Variants in ASAP2 observed in about 807,000 individuals in gnomAD.
ASAP2 encodes the protein ArfGAP with SH3 domain, ankyrin repeat and PH domain 2.
Under a neutral mutation model 131.4 loss-of-function variants are expected in ASAP2, and 45 were observed. The observed-to-expected ratio is 0.34, with a 90% CI of 0.27 to 0.44. The LOEUF (loss-of-function observed/expected upper bound fraction) is 0.44, where lower values mean the gene tolerates loss of function less well. ASAP2 is among the 20% of genes least tolerant of loss of function. The pLI, the probability that ASAP2 is intolerant of heterozygous loss-of-function variation, is 1.00. For synonymous variants in ASAP2, 510 were observed against 503.0 expected (o/e 1.01, Z -0.19); for missense variants, 1,011 against 1,297.0 (o/e 0.78, Z 3.39).
chr2:9,316,003 T>C (rs974994402), intron 3 of ASAP2, among the ~76,000 whole-genome samples: 1 of 152,198 alleles, frequency 6.6e-6, no homozygotes, highest in Non-Finnish European at 1.5e-5. Context: ...ACCAGTGTTT[T>C]CCAAGTACAT....
intron 1 of ASAP2, among the ~76,000 whole-genome samples, chr2:9,240,353 A>C (rs377201237): frequency 6.7e-6 from 1 of 150,206 alleles, no homozygotes; most frequent in Non-Finnish European, 1.5e-5. Context: ...TCCTGGGCCC[A>C]GGTGATCCTC....
intron 21 of ASAP2, 102 bp from the exon 22 acceptor site, chr2:9,388,192 G>A (rs1467144906): frequency 1.8e-5 from 26 of 1,464,948 alleles, no homozygotes; most frequent in Admixed American, 1.7e-4. Flanking sequence ...ACCAGGCCCA[G>A]CAGAGTTGGT....
chr2:9,350,196 C>T lies in ASAP2; in HGVS notation c.1024-612C>T, dbSNP rs112969783. 2.5e-3 allele frequency among the ~76,000 whole-genome samples: 386 copies of T among 151,732 alleles called. 1 individual carries two copies. The highest frequency in any genetic ancestry group is 8.6e-3 in the African/African-American group (357 of 41,330). On this transcript the variant is annotated intron_variant, in intron 11 of 27. Coordinates refer to ENST00000281419, the MANE Select transcript of ASAP2 (RefSeq NM_003887.3). ...AAAGTATGTTGTGATCGCTTGGTGT[C>T]GTGTGTGGGGGAGAGGGTTTGGGGG...
At chr2:9,235,262 G>A (rs189094168) in intron 1 of ASAP2, among the ~76,000 whole-genome samples, 6 of 152,270 alleles carry the variant, frequency 3.9e-5, no homozygotes, top group East Asian at 1.9e-4. Context: ...ATGGCTGGTC[G>A]TCCTGTGCAC....
intron 1 of ASAP2, among the ~76,000 whole-genome samples, chr2:9,270,846 G>A (rs1666323905): frequency 7.7e-6 from 1 of 129,344 alleles, no homozygotes; most frequent in African/African-American, 3.0e-5. Context: ...AGGCTGGAGT[G>A]CAGTGGCGCG....
chr2:9,357,735 G>A (rs1444603404), intron 14 of ASAP2, among the ~76,000 whole-genome samples: 2 of 152,132 alleles, frequency 1.3e-5, no homozygotes, highest in Admixed American at 6.5e-5. Context: ...CAGTGGAGTC[G>A]TCCTACACAA....
Position 9,374,831 on chromosome 2 carries a change from G to A in ASAP2, c.1633G>A (p.Ala545Thr), listed in dbSNP as rs1674265318. ...AAGGAAGAAGCACGCGGATAACGCGGCGAAGCTTCACAGTCTTTGCGAGGC... is the reference window on the plus strand; with the variant it reads ...AAGGAAGAAGCACGCGGATAACGCGACGAAGCTTCACAGTCTTTGCGAGGC... ...YARKKHADNA[A>T]KLHSLCEAVK... The change falls in exon 17 of 28, where the codon GCG becomes ACG. Residue 545 changes from alanine (A) to threonine (T), a missense_variant. Coordinates refer to ENST00000281419, the MANE Select transcript of ASAP2 (RefSeq NM_003887.3). The A allele has an allele frequency of 1.9e-6, 3 of 1,614,180 alleles. No individual in the cohort carries two copies. The highest frequency in any genetic ancestry group is 2.5e-6 in the Non-Finnish European group (3 of 1,180,032).
At chr2:9,267,143 A>T (rs555836870) in intron 1 of ASAP2, among the ~76,000 whole-genome samples, 85 of 152,256 alleles carry the variant, frequency 5.6e-4, no homozygotes, top group Middle Eastern at 3.4e-3. Context: ...AGATTTTTTT[A>T]AAAAATTCAA....
intron 1 of ASAP2, among the ~76,000 whole-genome samples, chr2:9,262,913 C>A (rs1432592267): frequency 6.6e-6 from 1 of 152,218 alleles, no homozygotes; most frequent in Non-Finnish European, 1.5e-5. Flanking sequence ...CATCTCCTCT[C>A]CCCTGTTTAT....
chr2:9,249,768 C>CT (rs1165330729), intron 1 of ASAP2, among the ~76,000 whole-genome samples: 1 of 149,162 alleles, frequency 6.7e-6, no homozygotes, highest in Non-Finnish European at 1.5e-5. Flanking sequence ...TGCACTGCCA[C>CT]CCCCAGAGGA....
chr2:9,405,434 CTG>C lies in ASAP2; in HGVS notation c.*2112_*2113del, dbSNP rs150711314. 162 of 152,694 alleles carry C rather than the reference CTG, an allele frequency of 1.1e-3. 3 individuals carry two copies. The highest frequency in any genetic ancestry group is 3.8e-3 in the African/African-American group (159 of 41,538). 9.5% of individuals were successfully genotyped at this position (152,694 alleles called of 1,614,324 possible). On this transcript the variant is annotated 3_prime_UTR_variant, in exon 28 of 28. Coordinates refer to ENST00000281419, the MANE Select transcript of ASAP2 (RefSeq NM_003887.3). The stretch of plus-strand genomic sequence containing the variant: ...GAACATGTACACAGACTAAGAGTAA[CTG>C]TGTGATCTGTTAAGGGGTGGATAAC...
At chr2:9,222,966 C>T (rs1391411188) in intron 1 of ASAP2, among the ~76,000 whole-genome samples, 1 of 152,104 alleles carries the variant, frequency 6.6e-6, no homozygotes, top group East Asian at 1.9e-4. Context: ...GGTCTATTTC[C>T]AGACCCTCCA....
intron 1 of ASAP2, among the ~76,000 whole-genome samples, chr2:9,277,845 T>C (rs766769690): frequency 1.9e-3 from 286 of 152,358 alleles, no homozygotes; most frequent in Admixed American, 3.0e-3. Flanking sequence ...TGGTGCCTTG[T>C]GATCATTTTT....
chr2:9,362,868 C>T (rs760556107), intron 15 of ASAP2, among the ~76,000 whole-genome samples: 6 of 152,040 alleles, frequency 3.9e-5, no homozygotes, highest in African/African-American at 7.2e-5. Context: ...GTATACAGTA[C>T]GTTATTATTA....
Position 9,376,931 on chromosome 2 carries a change from C to T in ASAP2, c.1770C>T (p.His590=). 1 of 1,614,180 alleles carries T rather than the reference C, an allele frequency of 6.2e-7. No individual in the cohort carries two copies. The highest frequency in any genetic ancestry group is 8.5e-7 in the Non-Finnish European group (1 of 1,180,022). ...NGHEPDETAL[H]LAVRSVDRTS... ...AGGAGCCGGATGAAACGGCCCTCCACCTTGCAGTCAGATCCGTGGATCGAA... is the reference window on the plus strand; with the variant it reads ...AGGAGCCGGATGAAACGGCCCTCCATCTTGCAGTCAGATCCGTGGATCGAA... Residue 590 remains histidine, a synonymous_variant, in exon 18 of 28, where the codon CAC becomes CAT. Coordinates refer to ENST00000281419, the MANE Select transcript of ASAP2 (RefSeq NM_003887.3).
intron 2 of ASAP2, among the ~76,000 whole-genome samples, chr2:9,290,013 C>G (rs1029283967): frequency 3.3e-5 from 5 of 152,074 alleles, no homozygotes; most frequent in Non-Finnish European, 7.4e-5. Context: ...CTTCCAGTTG[C>G]TCATCCTGCA....
At chr2:9,271,199 G>T in intron 1 of ASAP2, 1 of 607,958 alleles carries the variant, frequency 1.6e-6, no homozygotes, top group South Asian at 2.2e-5. Context: ...AAGCTGTGAG[G>T]TTTTTAAACT....
intron 1 of ASAP2, among the ~76,000 whole-genome samples, chr2:9,236,133 C>T (rs1000563823): frequency 4.0e-5 from 6 of 151,636 alleles, no homozygotes; most frequent in African/African-American, 1.5e-4. Flanking sequence ...CTTGGAGGGC[C>T]GGTCAGGGAG....
Position 9,356,188 on chromosome 2 carries a change from T to C in ASAP2, c.1170T>C (p.Ser390=), listed in dbSNP as rs752699509. 11 of 1,614,012 alleles carry C rather than the reference T, an allele frequency of 6.8e-6. No homozygotes were observed. The East Asian group carries it at 2.2e-4, about 33-fold the overall frequency. ...EDEQECQIWM[S]VLQNSKEEAL... ...GCTCTTGTTTTTCTAGATGGATGTC[T>C]GTGCTGCAAAATAGCAAAGAAGAAG... Residue 390 remains serine (S), a synonymous_variant, in exon 14 of 28, where the codon TCT becomes TCC. Coordinates refer to ENST00000281419, the MANE Select transcript of ASAP2 (RefSeq NM_003887.3).
Sources: gnomAD v4.1 joint callset for allele counts (sites outside exome capture counted in the v4.1 genomes callset) on GRCh38, gnomAD v4.1.1 for gene constraint, MANE v1.5 for transcripts, NCBI Gene and HGNC (gene_info 2026-07-23, HGNC 2026-07-21) for gene names.